Variants in LINC01488 observed in about 807,000 individuals in gnomAD.
The protein encoded by LINC01488 is CCND1-upstream intergenic DNA repair 1.
chr11:69,487,718 C>T (rs1005722622), intron 1 of LINC01488, among the ~76,000 whole-genome samples: 3 of 152,120 alleles, frequency 2.0e-5, no homozygotes, highest in African/African-American at 7.2e-5. Context: ...TTGTGGAGGC[C>T]CCCGAGACAC....
chr11:69,490,928 G>A (rs997498228), intron 2 of LINC01488: 4 of 149,286 alleles, frequency 2.7e-5, no homozygotes, highest in East Asian at 2.0e-4. Flanking sequence ...TTACCCCTGC[G>A]ACTCTGCCCA....
At chr11:69,482,648 T>C (rs1379700433) in intron 1 of LINC01488, among the ~76,000 whole-genome samples, 1 of 152,118 alleles carries the variant, frequency 6.6e-6, no homozygotes, top group Non-Finnish European at 1.5e-5. Flanking sequence ...GATAGATGGA[T>C]GGATGAATGG....
At chr11:69,487,312 G>A (rs1346794937) in intron 1 of LINC01488, among the ~76,000 whole-genome samples, 1 of 152,204 alleles carries the variant, frequency 6.6e-6, no homozygotes, top group Non-Finnish European at 1.5e-5. Context: ...GGCATGGGAA[G>A]GAGAGGGAGC....
At chr11:69,484,714 G>A (rs1171649242) in intron 1 of LINC01488, among the ~76,000 whole-genome samples, 1 of 152,262 alleles carries the variant, frequency 6.6e-6, no homozygotes, top group Non-Finnish European at 1.5e-5. Flanking sequence ...GAGCCCTGCT[G>A]TTGGGCAGCA....
At chr11:69,486,632 T>C (rs1857124793) in intron 1 of LINC01488, among the ~76,000 whole-genome samples, 1 of 152,152 alleles carries the variant, frequency 6.6e-6, no homozygotes. Context: ...AGGTGCCTTC[T>C]GCTCAGAGAC....
intron 1 of LINC01488, among the ~76,000 whole-genome samples, chr11:69,483,557 G>A (rs1857067551): frequency 2.0e-5 from 3 of 152,216 alleles, no homozygotes; most frequent in Admixed American, 2.0e-4. Flanking sequence ...TAGGCTGAAG[G>A]TAGAACAGCG....
chr11:69,491,530 A>G (rs1045194277), intron 3 of LINC01488: 2 of 152,250 alleles, frequency 1.3e-5, no homozygotes, highest in Admixed American at 1.3e-4. Flanking sequence ...GAGGAGAGAG[A>G]CGATTCTGAC....
At chr11:69,485,920 C>A (rs1313182112) in intron 1 of LINC01488, 1 of 152,224 alleles carries the variant, frequency 6.6e-6, no homozygotes, top group Non-Finnish European at 1.5e-5. Context: ...CAGCAGGGAG[C>A]CTGCCAGGCA....
At position 69,486,380 on chromosome 11, in the gene LINC01488, G is replaced by A. The variant is rs1039255526; in HGVS notation, n.123-4115G>A. Among the ~76,000 whole-genome samples the A allele has an allele frequency of 2.0e-5, 3 of 152,204 alleles. No individual in the cohort carries two copies. In the South Asian group the frequency reaches 6.2e-4, roughly 32 times the overall value. On this transcript the variant is annotated intron_variant and non_coding_transcript_variant, in intron 1 of 3. Transcript: ENST00000644563. Reference sequence around the variant, plus strand: ...GGGCCTCGAAACTTGGCTAGAGTTTGGTCAGCACCACGAGGTCCACCTGCC... The same window carrying A: ...GGGCCTCGAAACTTGGCTAGAGTTTAGTCAGCACCACGAGGTCCACCTGCC...
At chr11:69,484,059 A>T (rs1244414219) in intron 1 of LINC01488, among the ~76,000 whole-genome samples, 2 of 152,186 alleles carry the variant, frequency 1.3e-5, no homozygotes, top group East Asian at 1.9e-4. Flanking sequence ...CCAGCTGCGA[A>T]GTAAAGGGGA....
chr11:69,485,951 C>A lies in LINC01488; in HGVS notation n.122+4168C>A, dbSNP rs935842625. ...AGGCAGGTGTGCGGTGAGTACCTCT[C>A]GCCGAGGCCCCCTAGGCACTCTTGT... is the stretch of plus-strand genomic sequence containing the variant. On this transcript the variant is annotated intron_variant and non_coding_transcript_variant, in intron 1 of 3. Transcript: ENST00000644563. The A allele has an allele frequency of 1.3e-5, 2 of 152,230 alleles. 1 individual carries two copies. The highest frequency in any genetic ancestry group is 4.8e-5 in the African/African-American group (2 of 41,442). 9.4% of individuals were successfully genotyped at this position (152,230 alleles called of 1,614,324 possible). A position where few individuals can be genotyped will look rare whatever the true frequency, so the allele number is the denominator to read the frequency against.
At chr11:69,486,361 C>G (rs1232533878) in intron 1 of LINC01488, among the ~76,000 whole-genome samples, 1 of 152,132 alleles carries the variant, frequency 6.6e-6, no homozygotes, top group East Asian at 1.9e-4. Flanking sequence ...AACCGGGCCT[C>G]GAAACTTGGC....
At chr11:69,483,402 A>G (rs1565191504) in intron 1 of LINC01488, among the ~76,000 whole-genome samples, 2 of 152,152 alleles carry the variant, frequency 1.3e-5, no homozygotes, top group Non-Finnish European at 2.9e-5. Flanking sequence ...TTCCTTCTCT[A>G]TAAAGTAGGA....
chr11:69,482,677 G>C (rs1857060101), intron 1 of LINC01488, among the ~76,000 whole-genome samples: 1 of 152,204 alleles, frequency 6.6e-6, no homozygotes, highest in African/African-American at 2.4e-5. Context: ...AAGGAAGAGA[G>C]AGAAGAAAGT....
At chr11:69,486,355 G>A (rs887551705) in intron 1 of LINC01488, among the ~76,000 whole-genome samples, 14 of 152,248 alleles carry the variant, frequency 9.2e-5, no homozygotes, top group Admixed American at 7.2e-4. Context: ...TCTGAGAACC[G>A]GGCCTCGAAA....
chr11:69,486,509 C>T lies in LINC01488; in HGVS notation n.123-3986C>T, dbSNP rs138720304. On this transcript the variant is annotated intron_variant and non_coding_transcript_variant, in intron 1 of 3. Transcript: ENST00000644563. The stretch of plus-strand genomic sequence containing the variant: ...AGCCGTGTCTCTGCCGCAAGGGGCC[C>T]GTGGGCCCAGGAACGCTCAGAACTG... Among the ~76,000 whole-genome samples, 259 of 152,326 alleles carry T rather than the reference C, an allele frequency of 1.7e-3. 2 individuals are homozygous for T. The highest frequency in any genetic ancestry group is 5.8e-3 in the African/African-American group (242 of 41,578).
At chr11:69,486,488 G>A (rs919200493) in intron 1 of LINC01488, among the ~76,000 whole-genome samples, 4 of 152,250 alleles carry the variant, frequency 2.6e-5, no homozygotes, top group Non-Finnish European at 2.9e-5. Flanking sequence ...CGCAAAAGCC[G>A]TGTCTCTGCC....
At chr11:69,488,621 C>T (rs117193760) in intron 1 of LINC01488, among the ~76,000 whole-genome samples, 4 of 152,288 alleles carry the variant, frequency 2.6e-5, no homozygotes, top group Non-Finnish European at 4.4e-5. Flanking sequence ...CACAATGGAA[C>T]GTTGTGCCGC....
chr11:69,492,882 C>T (rs1260571781), exon 4 of LINC01488: 1 of 152,216 alleles, frequency 6.6e-6, no homozygotes, highest in East Asian at 1.9e-4. Context: ...CCCAGGAAGG[C>T]CCACTGGCAT....
Sources: allele counts gnomAD v4.1 joint callset (sites outside exome capture counted in the v4.1 genomes callset), GRCh38; gene constraint gnomAD v4.1.1; transcripts MANE v1.5; gene names NCBI Gene and HGNC (gene_info 2026-07-23, HGNC 2026-07-21).